Variants in GALNT17 observed in about 807,000 individuals in gnomAD.
GALNT17 encodes polypeptide N-acetylgalactosaminyltransferase 17, also known as UDP-GalNAc:polypeptide N-acetylgalactosaminyltransferase-like 3.
In GALNT17, 29 loss-of-function variants were observed where a neutral mutation model predicts 63.7. The observed-to-expected ratio is 0.46, with a 90% CI of 0.34 to 0.62. GALNT17 has a LOEUF of 0.62. Ranked by LOEUF, GALNT17 falls within the 20% of genes least tolerant of loss-of-function variation. GALNT17 has a pLI of 0.01. For missense variants in GALNT17, 603 were observed against 799.6 expected (o/e 0.75, Z 2.97); for synonymous variants, 305 against 318.3 (o/e 0.96, Z 0.45).
intron 9 of GALNT17, among the ~76,000 whole-genome samples, chr7:71,684,767 A>G (rs546243103): frequency 3.9e-5 from 6 of 151,924 alleles, no homozygotes; most frequent in Non-Finnish European, 8.8e-5. Flanking sequence ...GGTTCAAGCA[A>G]CCCTCCTGCT....
chr7:71,235,228 G>C (rs1441371847), intron 1 of GALNT17, among the ~76,000 whole-genome samples: 2 of 151,348 alleles, frequency 1.3e-5, no homozygotes, highest in African/African-American at 2.4e-5. Context: ...TCCAGCCTGG[G>C]TGACAGAGCA....
intron 5 of GALNT17, among the ~76,000 whole-genome samples, chr7:71,446,768 C>T (rs909834380): frequency 2.0e-5 from 3 of 152,188 alleles, no homozygotes; most frequent in Non-Finnish European, 4.4e-5. Context: ...AGGCTGGTCT[C>T]GAACTCCTGA....
chr7:71,578,043 T>A (rs1789567494), intron 6 of GALNT17, among the ~76,000 whole-genome samples: 1 of 149,510 alleles, frequency 6.7e-6, no homozygotes, highest in African/African-American at 2.5e-5. Context: ...ATTTATTTAT[T>A]TATTTATTTT....
intron 1 of GALNT17, among the ~76,000 whole-genome samples, chr7:71,301,259 C>T (rs1313646397): frequency 6.6e-6 from 1 of 151,160 alleles, no homozygotes; most frequent in Admixed American, 6.6e-5. Flanking sequence ...TACACTCCAG[C>T]CTGGATGACA....
intron 5 of GALNT17, among the ~76,000 whole-genome samples, chr7:71,549,869 C>T (rs373134602): frequency 1.3e-5 from 2 of 151,686 alleles, no homozygotes; most frequent in East Asian, 3.9e-4. Flanking sequence ...TAGATTCTCT[C>T]CGTAAAAGCA....
chr7:71,580,068 T>C (rs188211916), intron 6 of GALNT17, among the ~76,000 whole-genome samples: 251 of 151,696 alleles, frequency 1.7e-3, no homozygotes, highest in South Asian at 7.3e-3. Context: ...GAATGATAGA[T>C]TAGATAGATG....
At chr7:71,524,603 T>C (rs537967785) in intron 5 of GALNT17, among the ~76,000 whole-genome samples, 102 of 152,284 alleles carry the variant, frequency 6.7e-4, no homozygotes, top group Non-Finnish European at 1.3e-3. Flanking sequence ...AAGGAGGATG[T>C]TCAAGAAAGT....
At chr7:71,684,630 T>C (rs2117082782) in intron 9 of GALNT17, among the ~76,000 whole-genome samples, 1 of 152,320 alleles carries the variant, frequency 6.6e-6, no homozygotes, top group East Asian at 1.9e-4. Context: ...CCAACTACTC[T>C]GTCTGGTAAA....
intron 1 of GALNT17, among the ~76,000 whole-genome samples, chr7:71,212,623 G>C (rs529997596): frequency 2.6e-5 from 4 of 152,138 alleles, no homozygotes; most frequent in Non-Finnish European, 5.9e-5. Flanking sequence ...AGCCAGGAGG[G>C]GGGGCTATAC....
At chr7:71,693,211 A>G (rs924234488) in intron 9 of GALNT17, among the ~76,000 whole-genome samples, 3 of 149,116 alleles carry the variant, frequency 2.0e-5, no homozygotes, top group African/African-American at 7.4e-5. Context: ...GTGTGTATAT[A>G]TATCTACAAT....
chr7:71,378,551 CTGA>C, intron 2 of GALNT17, among the ~76,000 whole-genome samples: 1 of 152,200 alleles, frequency 6.6e-6, no homozygotes, highest in Non-Finnish European at 1.5e-5. Context: ...GGTGCCATCA[CTGA>C]TGCTTTAATT....
intron 1 of GALNT17, among the ~76,000 whole-genome samples, chr7:71,310,713 C>A (rs955386373): frequency 6.6e-6 from 1 of 152,176 alleles, no homozygotes; most frequent in African/African-American, 2.4e-5. Context: ...AAAGATGAAT[C>A]CTTCCAGAAT....
At chr7:71,359,984 G>A (rs1486866243) in intron 2 of GALNT17, among the ~76,000 whole-genome samples, 2 of 152,160 alleles carry the variant, frequency 1.3e-5, no homozygotes, top group Non-Finnish European at 2.9e-5. Context: ...CTAGATTGAA[G>A]GCTTATGTGG....
intron 1 of GALNT17, among the ~76,000 whole-genome samples, chr7:71,276,447 A>G (rs1790683086): frequency 6.6e-6 from 1 of 152,224 alleles, no homozygotes; most frequent in South Asian, 2.1e-4. Flanking sequence ...TTGAATTGTA[A>G]TAATCCCCAC....
intron 5 of GALNT17, among the ~76,000 whole-genome samples, chr7:71,555,009 C>G (rs7786397): frequency 0.32 from 48,893 of 152,068 alleles, 8,028 homozygotes; most frequent in Admixed American, 0.34. Context: ...AGGCTTCAGA[C>G]ATCTTCAGTC....
chr7:71,399,255 A>T (rs1793195399), intron 3 of GALNT17, among the ~76,000 whole-genome samples: 1 of 152,128 alleles, frequency 6.6e-6, no homozygotes, highest in Non-Finnish European at 1.5e-5. Context: ...TCCAAAAAAA[A>T]TGTGGGAGTA....
rs1211318520 is a variant in GALNT17 at position 71,436,732 on chromosome 7, A to AT, written c.962+15627_962+15628insT. 4.8e-3 allele frequency among the ~76,000 whole-genome samples: 729 copies of AT among 151,284 alleles called. 5 individuals carry two copies. Among genetic ancestry groups the AT allele is most frequent in the Non-Finnish European group, 8.1e-3 (548 of 67,654 alleles). ...AGACTCCATCTCAAAAAAAAAATAA[A>AT]AAATAAAACAAAAATAAATGTATCC... On this transcript the variant is annotated intron_variant, in intron 5 of 10. Transcript: ENST00000333538.
intron 1 of GALNT17, among the ~76,000 whole-genome samples, chr7:71,328,313 C>T (rs1053530189): frequency 2.6e-5 from 4 of 152,300 alleles, no homozygotes; most frequent in African/African-American, 4.8e-5. Flanking sequence ...AAGAAGGGAA[C>T]AATGAATTCT....
chr7:71,302,645 C>A (rs1282109769), intron 1 of GALNT17, among the ~76,000 whole-genome samples: 1 of 152,050 alleles, frequency 6.6e-6, no homozygotes, highest in Non-Finnish European at 1.5e-5. Context: ...CAAAGCTAGG[C>A]TGAATTGATG....
Sources: gnomAD v4.1 joint callset for allele counts (sites outside exome capture counted in the v4.1 genomes callset) on GRCh38, gnomAD v4.1.1 for gene constraint, MANE v1.5 for transcripts, NCBI Gene and HGNC (gene_info 2026-07-23, HGNC 2026-07-21) for gene names.